The following ETV3 variants were observed in gnomAD, a reference collection of about 807,000 sequenced individuals.
ETV3 encodes ETS variant transcription factor 3.
In ETV3, 8 loss-of-function variants were observed where a neutral mutation model predicts 33.0. That is an observed-to-expected ratio of 0.24 (90% CI 0.14 to 0.44). The LOEUF is 0.44. Ranked by LOEUF, ETV3 falls within the 20% of genes least tolerant of loss-of-function variation. The pLI is 1.00. For missense variants in ETV3, 473 were observed against 652.3 expected, an observed-to-expected ratio of 0.73 and a Z score of 2.99; for synonymous variants, 222 against 238.9, an observed-to-expected ratio of 0.93 and a Z score of 0.65.
intron 4 of ETV3, among the ~76,000 whole-genome samples, chr1:157,130,429 C>T (rs1674941397): frequency 6.6e-6 from 1 of 152,138 alleles, no homozygotes; most frequent in African/African-American, 2.4e-5. Flanking sequence ...GTTTGAATAC[C>T]ATTGCTTTAG....
chr1:157,135,267 C>T (rs1010758535), intron 3 of ETV3: 70 of 653,566 alleles, frequency 1.1e-4, no homozygotes, highest in Non-Finnish European at 1.5e-4. Context: ...TCCCCTCCTA[C>T]GTATAACCAA....
chr1:157,135,392 C>A, intron 3 of ETV3, 79 bp downstream of exon 3: 1 of 1,518,070 alleles, frequency 6.6e-7, no homozygotes, highest in South Asian at 1.2e-5. Context: ...TTACCTGATA[C>A]CCTTTTTATC....
chr1:157,124,660 A>G lies in ETV3; in HGVS notation c.*181T>C, dbSNP rs968360577. 19 of 610,744 alleles carry G rather than the reference A, an allele frequency of 3.1e-5. No homozygotes were observed. Among genetic ancestry groups the G allele is most frequent in the Non-Finnish European group, 4.4e-5 (16 of 365,852 alleles). The allele number at this position is 610,744 out of a possible 1,614,324, so 37.8% of individuals were successfully genotyped here. A position where few individuals can be genotyped will look rare whatever the true frequency, so the allele number is the denominator to read the frequency against. ...TCACCAGGAAAATAAGTGTGTTCAT[A>G]TCCCACCTAATTTACAACAGAAGAT... is the stretch of plus-strand genomic sequence containing the variant. On this transcript the variant is annotated 3_prime_UTR_variant, in exon 5 of 5. Transcript: ENST00000368192.
At chr1:157,127,356 A>G (rs375906844) in intron 4 of ETV3, among the ~76,000 whole-genome samples, 17 of 152,344 alleles carry the variant, frequency 1.1e-4, no homozygotes, top group Admixed American at 7.8e-4. Flanking sequence ...AGAGATTCAA[A>G]TATTTTTCAA....
rs1052994746 is a variant in ETV3 at position 157,123,290 on chromosome 1, T to C, written c.*1551A>G. 4 of 152,256 alleles carry C rather than the reference T, an allele frequency of 2.6e-5. No individual in the cohort carries two copies. The highest frequency in any genetic ancestry group is 4.4e-5 in the Non-Finnish European group (3 of 68,068). 9.4% of individuals were successfully genotyped at this position (152,256 alleles called of 1,614,324 possible). On this transcript the variant is annotated 3_prime_UTR_variant, in exon 5 of 5. Coordinates refer to ENST00000368192, the MANE Select transcript of ETV3 (RefSeq NM_001145312.3). ...CACAAAGAAGGTGGGCTGCTGCTTC[T>C]TTCTCTCTGCCCCTAGTCCAGGCTC...
chr1:157,136,238 C>G, intron 2 of ETV3, 69 bp downstream of exon 2: 1 of 1,440,472 alleles, frequency 6.9e-7, no homozygotes, highest in Non-Finnish European at 9.8e-7. Context: ...GAACAGAGCT[C>G]AAGTGGAGAG....
At chr1:157,128,364 G>A (rs1463885969) in intron 4 of ETV3, 5 of 190,572 alleles carry the variant, frequency 2.6e-5, no homozygotes, top group Middle Eastern at 2.2e-3. Context: ...AATTAAATAC[G>A]GGTGATATTG....
chr1:157,133,732 AGT>A (rs1385788101), intron 4 of ETV3: 2 of 1,006,544 alleles, frequency 2.0e-6, no homozygotes, highest in African/African-American at 3.5e-5. Context: ...GAAAATCGGA[AGT>A]GTTTGTAGAA....
intron 4 of ETV3, 84 bp downstream of exon 4, chr1:157,134,028 A>G (rs996832546): frequency 6.4e-7 from 1 of 1,560,750 alleles, no homozygotes; most frequent in African/African-American, 1.4e-5. Context: ...AAATCTTCCT[A>G]AACATGCCAT....
At position 157,125,706 on chromosome 1, in the gene ETV3, C is replaced by T. The variant is rs772524539; in HGVS notation, c.674G>A (p.Arg225His). 3.6e-5 allele frequency: 56 copies of T among 1,551,488 alleles called. No homozygotes were observed. The highest frequency in any genetic ancestry group is 4.3e-5 in the Non-Finnish European group (49 of 1,146,994). ...CAGAGGAAGCATTATGTCAGGCTTG[C>T]GTTTCTGATGGCCAATCCCTCCTCC... ...IGGGGIGHQK[R>H]KPDIMLPLFA... is the part of the protein sequence containing the mutation. The change falls in exon 5 of 5, where the codon CGC becomes CAC. Residue 225 changes from arginine to histidine, a missense_variant. By Grantham distance (29) the Arg-to-His change is conservative. Transcript: ENST00000368192. The surrounding 1 kb of genome is among the most constrained non-coding windows in gnomAD (Gnocchi z 4.0).
At chr1:157,134,308 C>A (rs2103206665) in intron 3 of ETV3, 81 bp from the exon 4 acceptor site, 2 of 1,529,492 alleles carry the variant, frequency 1.3e-6, no homozygotes, top group Non-Finnish European at 1.7e-6. Flanking sequence ...CTGAGACCAA[C>A]AATTCTTGCT....
intron 4 of ETV3, among the ~76,000 whole-genome samples, chr1:157,126,749 T>TGCGGAGGGG (rs1674846706): frequency 7.0e-6 from 1 of 142,176 alleles, no homozygotes; most frequent in Non-Finnish European, 1.5e-5. Flanking sequence ...TGGCTGACTG[T>TGCGGAGGGG]GCGGAGGGGC....
chr1:157,128,429 AG>A, intron 4 of ETV3: 1 of 325,024 alleles, frequency 3.1e-6, no homozygotes, highest in Non-Finnish European at 6.3e-6. Context: ...ACTGTGGAAA[AG>A]GGAGGCAAGC....
Position 157,124,551 on chromosome 1 carries a change from G to C in ETV3, c.*290C>G, listed in dbSNP as rs1373552549. 2 of 271,732 alleles carry C rather than the reference G, an allele frequency of 7.4e-6. No individual in the cohort carries two copies. Among genetic ancestry groups the C allele is most frequent in the Non-Finnish European group, 1.4e-5 (2 of 145,732 alleles). 16.8% of individuals were successfully genotyped at this position (271,732 alleles called of 1,614,324 possible). A position where few individuals can be genotyped will look rare whatever the true frequency, so the allele number is the denominator to read the frequency against. On this transcript the variant is annotated 3_prime_UTR_variant, in exon 5 of 5. Transcript: ENST00000368192. Reference sequence around the variant, plus strand: ...ACCAAAAAGTATCTTGGCCCTTTGGGAGTTTCCTTGTCAGAAAGTATAAGC... The same window carrying C: ...ACCAAAAAGTATCTTGGCCCTTTGGCAGTTTCCTTGTCAGAAAGTATAAGC...
rs1262640117 is a variant in ETV3 at position 157,125,319 on chromosome 1, T to C, written c.1061A>G (p.Lys354Arg). 1 of 1,552,022 alleles carries C rather than the reference T, an allele frequency of 6.4e-7. No individual in the cohort carries two copies. The highest frequency in any genetic ancestry group is 2.0e-5 in the Admixed American group (1 of 51,002). ...GCTGCTCTCAACCCTCTCCCGGTTC[T>C]TCCGCCCAACTGGTGGGGGCTGCAG... ...IKLQPPPVGR[K>R]NRERVESSEE... The change falls in exon 5 of 5, where the codon AAG becomes AGG. Residue 354 changes from lysine (K) to arginine (R), a missense_variant. By Grantham distance (26) the Lys-to-Arg change is conservative. Coordinates refer to ENST00000368192, the MANE Select transcript of ETV3 (RefSeq NM_001145312.3). This position sits in a 1 kb window ranked among gnomAD's most constrained non-coding sequence, Gnocchi z 4.0.
Position 157,134,117 on chromosome 1 carries a change from G to T in ETV3, c.395C>A (p.Ser132Ter). 1 of 1,613,286 alleles carries T rather than the reference G, an allele frequency of 6.2e-7. No homozygotes were observed. Among genetic ancestry groups the T allele is most frequent in the South Asian group, 1.1e-5 (1 of 90,796 alleles). ...CAAAAGAGTTTGTATCTTACCACTT[G>T]ACCGAATGTTGATGAATGGGTAGTT... ...MPNYPFINIR[S>*]SGVVPQSAPP... The change falls in exon 4 of 5, where the codon TCA becomes TAA. Residue 132 changes from serine to a stop codon, truncating the protein, a stop_gained. Coordinates refer to ENST00000368192, the MANE Select transcript of ETV3 (RefSeq NM_001145312.3). LOFTEE classifies it high-confidence loss of function.
intron 1 of ETV3, 128 bp from the exon 2 acceptor site, chr1:157,136,493 T>C: frequency 1.3e-6 from 1 of 791,090 alleles, no homozygotes; most frequent in Non-Finnish European, 2.0e-6. Flanking sequence ...CTCTCTTTCT[T>C]TCAAACATGT....
intron 4 of ETV3, chr1:157,133,312 G>T: frequency 2.9e-6 from 2 of 700,912 alleles, no homozygotes; most frequent in Non-Finnish European, 3.5e-6. Flanking sequence ...AATGGAGTTT[G>T]GTACTATCTG....
Position 157,124,757 on chromosome 1 carries a change from C to CCA in ETV3, c.*83_*84insTG. On this transcript the variant is annotated 3_prime_UTR_variant, in exon 5 of 5. Transcript: ENST00000368192. ...AGAATGATCAAACCAGTTTAACTCC[C>CCA]TCCCCCCCACCCTGAAATCTTGCTA... The CCA allele has an allele frequency of 4.2e-6, 1 of 240,814 alleles. No individual in the cohort carries two copies. The highest frequency in any genetic ancestry group is 5.0e-5 in the South Asian group (1 of 20,092). 14.9% of individuals were successfully genotyped at this position (240,814 alleles called of 1,614,324 possible). A position where few individuals can be genotyped will look rare whatever the true frequency, so the allele number is the denominator to read the frequency against.
Sources: allele counts gnomAD v4.1 joint callset (sites outside exome capture counted in the v4.1 genomes callset), GRCh38; gene constraint gnomAD v4.1.1; non-coding constraint Gnocchi (gnomAD v3.1); transcripts MANE v1.5; gene names NCBI Gene and HGNC (gene_info 2026-07-23, HGNC 2026-07-21).